The following COL5A2 variants were observed in gnomAD, a reference collection of about 807,000 sequenced individuals.
COL5A2 encodes the protein collagen alpha-2(V) chain.
Under a neutral mutation model 208.2 loss-of-function variants are expected in COL5A2, and 23 were observed. That is an observed-to-expected ratio of 0.11 (90% CI 0.08 to 0.16). The LOEUF (loss-of-function observed/expected upper bound fraction) is 0.16. Among genes scored for constraint, COL5A2 ranks in the 10% least tolerant of loss-of-function variants. The pLI is 1.00. For synonymous variants in COL5A2, 625 were observed against 628.5 expected, an observed-to-expected ratio of 0.99 and a Z score of 0.08; for missense variants, 1,590 against 1,956.4, an observed-to-expected ratio of 0.81 and a Z score of 3.53.
chr2:189,410,028 C>T, the COL5A2 span, among the ~76,000 whole-genome samples: 3 of 152,092 alleles, frequency 2.0e-5, no homozygotes, highest in Non-Finnish European at 2.9e-5. Flanking sequence ...TGAAATACTT[C>T]GAGTCACACT....
At chr2:189,047,042 A>G (rs555265431) in intron 45 of COL5A2, among the ~76,000 whole-genome samples, 1 of 152,012 alleles carries the variant, frequency 6.6e-6, no homozygotes, top group Non-Finnish European at 1.5e-5. Context: ...GAATCACTTG[A>G]ACCCAGGAGG....
At chr2:189,344,279 T>G in the COL5A2 span, among the ~76,000 whole-genome samples, 1 of 152,156 alleles carries the variant, frequency 6.6e-6, no homozygotes, top group African/African-American at 2.4e-5. Flanking sequence ...CGAAACAGTT[T>G]CCATGGCAGT....
the COL5A2 span, among the ~76,000 whole-genome samples, chr2:189,233,706 G>A: frequency 2.6e-5 from 4 of 151,806 alleles, no homozygotes; most frequent in South Asian, 8.3e-4. Context: ...TGATGCAAAA[G>A]TGATATGCCA....
intron 1 of COL5A2, among the ~76,000 whole-genome samples, chr2:189,175,422 A>G (rs958321059): frequency 6.6e-6 from 1 of 151,792 alleles, no homozygotes; most frequent in Admixed American, 6.6e-5. Context: ...AAAAAAAAAT[A>G]CCTAGAGATA....
intron 36 of COL5A2, 48 bp from the exon 37 acceptor site, chr2:189,053,996 A>G (rs778849770): frequency 1.5e-5 from 24 of 1,575,684 alleles, no homozygotes; most frequent in Non-Finnish European, 2.0e-5. Context: ...GTAGCTAAAC[A>G]TAATTTTAGG....
intron 5 of COL5A2, 185 bp from the exon 6 acceptor site, chr2:189,097,515 G>A: frequency 4.3e-6 from 3 of 703,120 alleles, no homozygotes; most frequent in Non-Finnish European, 7.6e-6. Flanking sequence ...CGTTGTTTAT[G>A]TTATCAGTGA....
chr2:189,144,231 CA>C (rs1687994063), intron 1 of COL5A2, among the ~76,000 whole-genome samples: 1 of 151,836 alleles, frequency 6.6e-6, no homozygotes, highest in South Asian at 2.1e-4. Flanking sequence ...AAAAGACAGA[CA>C]GATGAAAGAG....
At chr2:189,366,981 G>T in the COL5A2 span, among the ~76,000 whole-genome samples, 2 of 152,144 alleles carry the variant, frequency 1.3e-5, no homozygotes, top group Admixed American at 1.3e-4. Flanking sequence ...GGCTGTAAGT[G>T]TTGGCAGACG....
chr2:189,040,178 T>C (rs1685529076), intron 50 of COL5A2, among the ~76,000 whole-genome samples: 1 of 152,126 alleles, frequency 6.6e-6, no homozygotes, highest in Non-Finnish European at 1.5e-5. Context: ...AGAGACAGGG[T>C]CTTGCTACTA....
chr2:189,106,113 CTA>C (rs1173551747), intron 2 of COL5A2, among the ~76,000 whole-genome samples: 1 of 151,314 alleles, frequency 6.6e-6, no homozygotes, highest in Non-Finnish European at 1.5e-5. Flanking sequence ...CTTGTGTAGT[CTA>C]TGAAAATTTT....
At chr2:189,090,103 C>T (rs1410276631) in intron 7 of COL5A2, among the ~76,000 whole-genome samples, 2 of 152,122 alleles carry the variant, frequency 1.3e-5, no homozygotes, top group Non-Finnish European at 2.9e-5. Context: ...AGTCATCCAA[C>T]TTATGAATGC....
chr2:189,141,480 G>T (rs2105772390), intron 1 of COL5A2, among the ~76,000 whole-genome samples: 1 of 152,098 alleles, frequency 6.6e-6, no homozygotes, highest in South Asian at 2.1e-4. Context: ...TTCTATTACT[G>T]TAACCAAAGA....
At chr2:189,296,162 G>A in the COL5A2 span, among the ~76,000 whole-genome samples, 1 of 151,950 alleles carries the variant, frequency 6.6e-6, no homozygotes, top group African/African-American at 2.4e-5. Context: ...CTTCAATGTA[G>A]GTGTTTCTCA....
chr2:189,259,886 A>AGTAT, the COL5A2 span, among the ~76,000 whole-genome samples: 1 of 152,188 alleles, frequency 6.6e-6, no homozygotes, highest in Non-Finnish European at 1.5e-5. Flanking sequence ...TCTGGGAAAA[A>AGTAT]TATACAAGGG....
intron 1 of COL5A2, among the ~76,000 whole-genome samples, chr2:189,162,523 A>G (rs1688387371): frequency 6.6e-6 from 1 of 152,214 alleles, no homozygotes; most frequent in South Asian, 2.1e-4. Context: ...TAAATCCCCC[A>G]AAGTAGTAAA....
At chr2:189,432,408 C>T in the COL5A2 span, among the ~76,000 whole-genome samples, 1 of 152,088 alleles carries the variant, frequency 6.6e-6, no homozygotes, top group African/African-American at 2.4e-5. Flanking sequence ...AGAGTCAAGA[C>T]CCATCAGTGT....
At chr2:189,139,750 A>G (rs1687899831) in intron 1 of COL5A2, among the ~76,000 whole-genome samples, 1 of 152,174 alleles carries the variant, frequency 6.6e-6, no homozygotes, top group South Asian at 2.1e-4. Context: ...TAAATTTAAA[A>G]CTTCTAAAAT....
intron 1 of COL5A2, among the ~76,000 whole-genome samples, chr2:189,222,169 AT>A (rs1322277221): frequency 6.6e-6 from 1 of 152,176 alleles, no homozygotes; most frequent in Admixed American, 6.5e-5. Context: ...AGTAGGGTAA[AT>A]TAGTCTAAAT....
At chr2:189,169,626 C>A (rs1381435329) in intron 1 of COL5A2, among the ~76,000 whole-genome samples, 1 of 152,098 alleles carries the variant, frequency 6.6e-6, no homozygotes, top group African/African-American at 2.4e-5. Flanking sequence ...TCTCTGAGAG[C>A]AAAAGTTGTT....
Sources: gnomAD v4.1 joint callset for allele counts (sites outside exome capture counted in the v4.1 genomes callset) on GRCh38, gnomAD v4.1.1 for gene constraint, MANE v1.5 for transcripts, NCBI Gene and HGNC (gene_info 2026-07-23, HGNC 2026-07-21) for gene names.